Variants in GBE1 observed in about 807,000 individuals in gnomAD.
GBE1 encodes 1,4-alpha-glucan-branching enzyme.
Under a neutral mutation model 88.8 loss-of-function variants are expected in GBE1, and 70 were observed. The ratio of observed to expected loss-of-function variants is 0.79; its 90% CI spans 0.65 to 0.96. The LOEUF is 0.96. Ranked by LOEUF, GBE1 falls within the 40% of genes least tolerant of loss-of-function variation. The probability of loss-of-function intolerance (pLI) is 0.00; values close to 1 mark genes in which losing one functional copy is unlikely to be tolerated. For missense variants in GBE1, 872 were observed against 871.0 expected (o/e 1.00, Z -0.01); for synonymous variants, 284 against 300.1 (o/e 0.95, Z 0.56).
chr3:81,506,981 G>T (rs1015015258), intron 14 of GBE1, among the ~76,000 whole-genome samples: 5 of 152,158 alleles, frequency 3.3e-5, no homozygotes, highest in African/African-American at 1.2e-4. Flanking sequence ...GGCTTAATAT[G>T]TTGGTGATGA....
chr3:81,588,703 T>C (rs1048848246), intron 9 of GBE1, among the ~76,000 whole-genome samples: 3 of 152,190 alleles, frequency 2.0e-5, no homozygotes, highest in African/African-American at 7.2e-5. Context: ...CGGTCATTCC[T>C]CATGATTGCT....
intron 12 of GBE1, among the ~76,000 whole-genome samples, chr3:81,542,011 CTGTT>C (rs1380308021): frequency 1.3e-5 from 2 of 151,968 alleles, no homozygotes; most frequent in African/African-American, 4.8e-5. Context: ...ACAAAATAAT[CTGTT>C]TTTCTTTTGA....
intron 1 of GBE1, among the ~76,000 whole-genome samples, chr3:81,751,664 A>T (rs1323482475): frequency 6.6e-6 from 1 of 152,240 alleles, no homozygotes; most frequent in Non-Finnish European, 1.5e-5. Flanking sequence ...AGAAGGATGT[A>T]TTTAAGCTAA....
chr3:81,634,995 A>G (rs1263815276), intron 7 of GBE1, among the ~76,000 whole-genome samples: 1 of 152,130 alleles, frequency 6.6e-6, no homozygotes, highest in Admixed American at 6.6e-5. Context: ...TGGACAGCTC[A>G]TCGGCCTCCT....
At chr3:81,586,229 T>C (rs776937215) in intron 9 of GBE1, 39 bp from the exon 10 acceptor site, 6 of 1,230,758 alleles carry the variant, frequency 4.9e-6, no homozygotes, top group East Asian at 2.5e-5. Context: ...ATCAAACTTT[T>C]AGTAAATATT....
intron 2 of GBE1, among the ~76,000 whole-genome samples, chr3:81,691,183 G>A (rs376341875): frequency 1.3e-5 from 2 of 151,998 alleles, no homozygotes; most frequent in African/African-American, 2.4e-5. Flanking sequence ...AATGAATCTC[G>A]ATCTTAAATG....
Position 81,593,918 on chromosome 3 carries a change from G to A in GBE1, c.1098C>T (p.His366=). ...TATCAGGTTACCTACCCACTCCATG[G>A]TGATGATAAAGCATGGACGTAACAC... The part of the protein sequence containing the change: ...FDGVTSMLYH[H]HGVGQGFSGD... The change falls in exon 8 of 16, where the codon CAC becomes CAT. Residue 366 remains histidine (H), a synonymous_variant. Coordinates refer to ENST00000429644, the MANE Select transcript of GBE1 (RefSeq NM_000158.4). The A allele has an allele frequency of 6.5e-7, 1 of 1,539,884 alleles. No homozygotes were observed. Among genetic ancestry groups the A allele is most frequent in the Non-Finnish European group, 8.8e-7 (1 of 1,130,068 alleles).
intron 1 of GBE1, among the ~76,000 whole-genome samples, chr3:81,746,719 A>G (rs1396170558): frequency 6.6e-6 from 1 of 152,234 alleles, no homozygotes; most frequent in Non-Finnish European, 1.5e-5. Context: ...ACACGACAGA[A>G]AAATATGAAA....
chr3:81,530,008 C>T (rs976437089), intron 14 of GBE1, among the ~76,000 whole-genome samples: 7 of 151,620 alleles, frequency 4.6e-5, no homozygotes, highest in Non-Finnish European at 7.4e-5. Context: ...TGTAGGCATG[C>T]TTCATTCTTT....
At chr3:81,660,954 T>G (rs542579623) in intron 3 of GBE1, among the ~76,000 whole-genome samples, 1 of 152,296 alleles carries the variant, frequency 6.6e-6, no homozygotes, top group East Asian at 1.9e-4. Flanking sequence ...GTGCAAATAC[T>G]TTTATTAAAC....
intron 14 of GBE1, among the ~76,000 whole-genome samples, chr3:81,513,701 G>A (rs1234616252): frequency 6.6e-6 from 1 of 151,614 alleles, no homozygotes; most frequent in Non-Finnish European, 1.5e-5. Context: ...AGAAGATGAT[G>A]ACAGTAAGGA....
intron 1 of GBE1, among the ~76,000 whole-genome samples, chr3:81,723,823 T>A (rs993407668): frequency 6.6e-6 from 1 of 152,142 alleles, no homozygotes; most frequent in Non-Finnish European, 1.5e-5. Flanking sequence ...GAGGCAGCCA[T>A]GTAATTATGT....
At chr3:81,662,656 G>T (rs1705047247) in intron 3 of GBE1, among the ~76,000 whole-genome samples, 1 of 141,610 alleles carries the variant, frequency 7.1e-6, no homozygotes, top group Admixed American at 7.1e-5. Context: ...AACATTAACA[G>T]TTTTGTAAAA....
intron 12 of GBE1, among the ~76,000 whole-genome samples, chr3:81,552,592 T>C (rs1211106452): frequency 1.3e-5 from 2 of 149,436 alleles, no homozygotes; most frequent in East Asian, 3.9e-4. Context: ...TCATCAGCAA[T>C]GTCCATAAGT....
intron 12 of GBE1, among the ~76,000 whole-genome samples, chr3:81,555,352 T>G (rs184154636): frequency 6.6e-6 from 1 of 152,154 alleles, no homozygotes; most frequent in African/African-American, 2.4e-5. Context: ...ACCCTCCATA[T>G]AGGTAAACCA....
Position 81,738,215 on chromosome 3 carries a change from G to A in GBE1, c.143+23160C>T, listed in dbSNP as rs1425862646. On this transcript the variant is annotated intron_variant, in intron 1 of 15. Coordinates refer to ENST00000429644, the MANE Select transcript of GBE1 (RefSeq NM_000158.4). Reference sequence around the variant, plus strand: ...GTGAATAGTGCCGCAATAAACATACGTGTGCATGTGTCTTTATAGCAGCAT... The same window carrying A: ...GTGAATAGTGCCGCAATAAACATACATGTGCATGTGTCTTTATAGCAGCAT... Among the ~76,000 whole-genome samples the A allele has an allele frequency of 2.4e-4, 37 of 151,504 alleles. 1 individual carries two copies. The highest frequency in any genetic ancestry group is 1.2e-3 in the Admixed American group (18 of 15,174).
At chr3:81,638,744 G>A (rs948020808) in intron 7 of GBE1, among the ~76,000 whole-genome samples, 1 of 152,130 alleles carries the variant, frequency 6.6e-6, no homozygotes. Context: ...AAATAGCACA[G>A]TCAGGATCTC....
chr3:81,672,515 A>T (rs1262606125), intron 2 of GBE1, among the ~76,000 whole-genome samples: 1 of 151,868 alleles, frequency 6.6e-6, no homozygotes, highest in African/African-American at 2.4e-5. Context: ...GAAGAATAGC[A>T]TTTATATCAA....
chr3:81,691,371 C>T (rs938511099), intron 2 of GBE1, among the ~76,000 whole-genome samples: 2 of 152,048 alleles, frequency 1.3e-5, no homozygotes, highest in African/African-American at 2.4e-5. Flanking sequence ...TTATAGTAAA[C>T]GACTTAGCTT....
Sources: allele counts gnomAD v4.1 joint callset (sites outside exome capture counted in the v4.1 genomes callset), GRCh38; gene constraint gnomAD v4.1.1; transcripts MANE v1.5; gene names NCBI Gene and HGNC (gene_info 2026-07-23, HGNC 2026-07-21).